The following TTC19 variants were observed in gnomAD, a reference collection of about 807,000 sequenced individuals.
TTC19 encodes tetratricopeptide repeat protein 19, mitochondrial.
Under a neutral mutation model 49.5 loss-of-function variants are expected in TTC19, and 38 were observed. The observed-to-expected ratio is 0.77, with a 90% confidence interval of 0.59 to 1.01. The LOEUF is 1.01. Among genes scored for constraint, TTC19 ranks in the 50% least tolerant of loss-of-function variants. The pLI is 0.00. For synonymous variants in TTC19, 204 were observed against 185.2 expected (o/e 1.10, Z -0.83); for missense variants, 475 against 477.7 (o/e 0.99, Z 0.05).
At chr17:16,024,202 T>C (rs1368801210) in intron 7 of TTC19, 1 of 152,214 alleles carries the variant, frequency 6.6e-6, no homozygotes, top group Non-Finnish European at 1.5e-5. Context: ...GTATAGTCAA[T>C]TCTTGAATGT....
chr17:16,004,406 T>C (rs1970831951), intron 6 of TTC19, 144 bp downstream of exon 6: 2 of 826,350 alleles, frequency 2.4e-6, no homozygotes, highest in African/African-American at 1.7e-5. Context: ...ATCTTTGAAA[T>C]TGTCAGTCTT....
chr17:16,025,207 C>T (rs1256335629), intron 8 of TTC19, 36 bp downstream of exon 8: 1 of 1,599,144 alleles, frequency 6.3e-7, no homozygotes, highest in East Asian at 2.2e-5. Flanking sequence ...GAATATAAAA[C>T]AAAGGCTTCA....
chr17:16,022,551 G>A (rs74526380), intron 7 of TTC19, among the ~76,000 whole-genome samples: 1 of 152,158 alleles, frequency 6.6e-6, no homozygotes, highest in African/African-American at 2.4e-5. Context: ...TGATGGTGAG[G>A]GGGTAGGGGA....
intron 1 of TTC19, 26 bp downstream of exon 1, chr17:16,000,058 C>A (rs1043372092): frequency 1.6e-6 from 2 of 1,290,278 alleles, no homozygotes; most frequent in South Asian, 2.2e-5. Context: ...CGGGCGGGGC[C>A]GGCCGGGCGG....
rs969492045 is a variant in TTC19, at chr17:16,000,153, G to A, written c.220G>A (p.Glu74Lys). The change falls in exon 2 of 10, where the codon GAG becomes AAG. Residue 74 changes from glutamate to lysine, a missense_variant. By Grantham distance (56) the Glu-to-Lys change is moderately conservative. Transcript: ENST00000261647. The stretch of plus-strand genomic sequence containing the variant: ...GTTCTCGAGGCCCGCTGCGGCAGAG[G>A]AGGAGGAGCAGCAGGGAGCCGACGG... ...AWFSRPAAAEEEEQQGADGAA... is the reference protein window; with the variant it reads ...AWFSRPAAAEKEEQQGADGAA... 4 of 1,586,824 alleles carry A rather than the reference G, an allele frequency of 2.5e-6. No individual in the cohort carries two copies. The highest frequency in any genetic ancestry group is 3.4e-6 in the Non-Finnish European group (4 of 1,175,164).
At chr17:16,038,704 C>G (rs1225767373) in intron 2 of TTC19, among the ~76,000 whole-genome samples, 1 of 152,122 alleles carries the variant, frequency 6.6e-6, no homozygotes, top group Non-Finnish European at 1.5e-5. Context: ...TCCCAAAGTG[C>G]TATGATTACA....
In TTC19 at chr17:15,999,904, G is replaced by A; in HGVS notation, c.56G>A (p.Arg19Gln). Reference protein sequence around the residue: ...LGRGFLRAAGRRCRGCSARLL... With the variant: ...LGRGFLRAAGQRCRGCSARLL... ...CGAGGCTTCCTGCGGGCCGCGGGGC[G>A]GCGGTGCCGGGGCTGCTCCGCGCGC... Residue 19 changes from arginine to glutamine, a missense_variant, in exon 1 of 10, where the codon CGG becomes CAG. Transcript: ENST00000261647. The A allele has an allele frequency of 1.4e-6, 2 of 1,395,294 alleles. No homozygotes were observed. The highest frequency in any genetic ancestry group is 1.8e-6 in the Non-Finnish European group (2 of 1,084,162). The allele number at this position is 1,395,294 out of a possible 1,614,324, so 86.4% of individuals were successfully genotyped here.
Position 16,026,586 on chromosome 17 carries a change from G to A in TTC19, c.878G>A (p.Gly293Asp), listed in dbSNP as rs1458435124. ...CTGGCTACTACCCTGGATGCACAGG[G>A]CCGCTTTGATGAGGCCTATATTTAT... ...SDLATTLDAQGRFDEAYIYMQ... is the reference protein window; with the variant it reads ...SDLATTLDAQDRFDEAYIYMQ... The change falls in exon 9 of 10, where the codon GGC (glycine) becomes GAC (aspartate). Residue 293 changes from glycine to aspartate, a missense_variant. By Grantham distance (94) the Gly-to-Asp change is moderately conservative. Transcript: ENST00000261647. 2 of 1,614,148 alleles carry A rather than the reference G, an allele frequency of 1.2e-6. No individual in the cohort carries two copies. The highest frequency in any genetic ancestry group is 1.7e-6 in the Non-Finnish European group (2 of 1,180,008).
intron 9 of TTC19, chr17:16,027,042 A>C: frequency 2.0e-6 from 1 of 509,648 alleles, no homozygotes; most frequent in South Asian, 2.1e-5. Context: ...TTATGACAGG[A>C]AGTATCATTT....
chr17:16,017,718 G>A (rs563132558), intron 7 of TTC19, among the ~76,000 whole-genome samples: 1 of 152,250 alleles, frequency 6.6e-6, no homozygotes, highest in African/African-American at 2.4e-5. Flanking sequence ...CCGAGATCAC[G>A]CCATTGCACT....
intron 7 of TTC19, among the ~76,000 whole-genome samples, chr17:16,009,204 A>G (rs766373355): frequency 4.0e-4 from 61 of 152,358 alleles, no homozygotes; most frequent in Middle Eastern, 6.8e-3. Context: ...CTGTCAAGTA[A>G]GTCACTTCTG....
At chr17:16,023,568 G>A (rs973636168) in intron 7 of TTC19, 1 of 152,214 alleles carries the variant, frequency 6.6e-6, no homozygotes, top group African/African-American at 2.4e-5. Context: ...TACGCGTGAT[G>A]TTAACATCAT....
chr17:16,032,011 G>T, downstream of TTC19: 2 of 392,814 alleles, frequency 5.1e-6, no homozygotes, highest in East Asian at 9.4e-5. Flanking sequence ...CTTTACAGAT[G>T]TAAGAACAGC....
chr17:16,038,170 C>G (rs925090685), intron 2 of TTC19, among the ~76,000 whole-genome samples: 6 of 151,886 alleles, frequency 4.0e-5, no homozygotes, highest in African/African-American at 1.5e-4. Context: ...TAAACTAAAA[C>G]AGAAATACTG....
At chr17:16,004,497 C>CT (rs1372656180) in intron 6 of TTC19, among the ~76,000 whole-genome samples, 1 of 152,182 alleles carries the variant, frequency 6.6e-6, no homozygotes, top group Non-Finnish European at 1.5e-5. Context: ...ACAAAACTAA[C>CT]TAAGTTTTCT....
chr17:16,023,938 G>A (rs1376988143), intron 7 of TTC19: 1 of 152,188 alleles, frequency 6.6e-6, no homozygotes, highest in African/African-American at 2.4e-5. Flanking sequence ...AGCTTTGCTG[G>A]TAAATAAACC....
exon 3 of TTC19, chr17:16,044,571 C>G (rs756031321): frequency 1.9e-6 from 1 of 520,364 alleles, no homozygotes; most frequent in Non-Finnish European, 3.9e-6. Flanking sequence ...TCACTTCATC[C>G]GGCAACTACC....
At chr17:16,009,064 C>G (rs1970993335) in intron 7 of TTC19, among the ~76,000 whole-genome samples, 1 of 152,034 alleles carries the variant, frequency 6.6e-6, no homozygotes, top group African/African-American at 2.4e-5. Flanking sequence ...GTGCCTGGCA[C>G]ATAATAGAGG....
chr17:16,028,136 G>A lies in TTC19; in HGVS notation c.*614G>A, dbSNP rs1567589416. 2 of 453,932 alleles carry A rather than the reference G, an allele frequency of 4.4e-6. No homozygotes were observed. The highest frequency in any genetic ancestry group is 2.4e-5 in the Admixed American group (1 of 42,542). The allele number at this position is 453,932 out of a possible 1,614,324, so 28.1% of individuals were successfully genotyped here. On this transcript the variant is annotated 3_prime_UTR_variant, in exon 10 of 10. Coordinates refer to ENST00000261647, the MANE Select transcript of TTC19 (RefSeq NM_017775.4). ...AGCACCCATTTGAATTTAAATAAAA[G>A]TGAACCATATTTATCTGGTTATATA...
Sources: gnomAD v4.1 joint callset for allele counts (sites outside exome capture counted in the v4.1 genomes callset) on GRCh38, gnomAD v4.1.1 for gene constraint, MANE v1.5 for transcripts, NCBI Gene and HGNC (gene_info 2026-07-23, HGNC 2026-07-21) for gene names.